The following CCDC13 variants were observed in gnomAD, a reference collection of about 807,000 sequenced individuals.
CCDC13 encodes the protein coiled-coil domain-containing protein 13.
CCDC13 carries 70 observed loss-of-function variants against 87.3 expected under a neutral mutation model. That is an observed-to-expected ratio of 0.80 (90% CI 0.66 to 0.98). CCDC13 has a LOEUF of 0.98. Ranked by LOEUF, CCDC13 falls within the 50% of genes least tolerant of loss-of-function variation. CCDC13 has a pLI of 0.00. For missense variants in CCDC13, 842 were observed against 892.0 expected (o/e 0.94, Z 0.71); for synonymous variants, 317 against 360.3 (o/e 0.88, Z 1.36).
intron 3 of CCDC13, among the ~76,000 whole-genome samples, chr3:42,756,699 T>C (rs1006837129): frequency 1.3e-5 from 2 of 152,050 alleles, no homozygotes; most frequent in African/African-American, 4.8e-5. Context: ...ACATAACATG[T>C]GAGCCAGTGC....
At chr3:42,751,911 T>C (rs775111187) in intron 5 of CCDC13, 25 bp downstream of exon 5, 1 of 1,605,668 alleles carries the variant, frequency 6.2e-7, no homozygotes, top group South Asian at 1.1e-5. Context: ...CTCACAGACT[T>C]CCCAGCACAG....
chr3:42,753,785 A>T (rs1280260274), intron 3 of CCDC13, among the ~76,000 whole-genome samples: 1 of 152,210 alleles, frequency 6.6e-6, no homozygotes, highest in Non-Finnish European at 1.5e-5. Flanking sequence ...GGAAATGGCA[A>T]GTACAGAGGT....
rs762144812 is a variant in CCDC13 at position 42,713,271 on chromosome 3, C to A, written c.1764G>T (p.Leu588=). 1 of 1,614,162 alleles carries A rather than the reference C, an allele frequency of 6.2e-7. No homozygotes were observed. The highest frequency in any genetic ancestry group is 1.1e-5 in the South Asian group (1 of 91,082). Reference sequence around the variant, plus strand: ...CCACGGTGCGGTGTCGCTCCTCCTGCAGCTTCCTCTCTGACTCCAGGAGCT... The same window carrying A: ...CCACGGTGCGGTGTCGCTCCTCCTGAAGCTTCCTCTCTGACTCCAGGAGCT... ...NSKLLESERK[L]QEERHRTVVL... The change falls in exon 14 of 16, where the codon CTG becomes CTT. Residue 588 remains leucine, a synonymous_variant. Transcript: ENST00000310232.
At chr3:42,749,494 T>A (rs1446833938) in intron 5 of CCDC13, among the ~76,000 whole-genome samples, 1 of 152,244 alleles carries the variant, frequency 6.6e-6, no homozygotes, top group Non-Finnish European at 1.5e-5. Context: ...GGACAACGCA[T>A]GTCAAGGGTG....
At chr3:42,757,790 A>G (rs1699737064) in intron 2 of CCDC13, among the ~76,000 whole-genome samples, 1 of 152,184 alleles carries the variant, frequency 6.6e-6, no homozygotes, top group Admixed American at 6.5e-5. Flanking sequence ...ATTTTCTCTA[A>G]TGGCAAGTGA....
At chr3:42,756,576 G>A (rs563454954) in intron 3 of CCDC13, among the ~76,000 whole-genome samples, 5 of 151,706 alleles carry the variant, frequency 3.3e-5, no homozygotes, top group Non-Finnish European at 7.4e-5. Flanking sequence ...GTTCATACCT[G>A]GCTCTACTGG....
At chr3:42,725,220 AAT>A (rs1698660962) in intron 13 of CCDC13, among the ~76,000 whole-genome samples, 1 of 152,188 alleles carries the variant, frequency 6.6e-6, no homozygotes, top group Non-Finnish European at 1.5e-5. Context: ...TATTGGTAAG[AAT>A]GTAAATTGAT....
At chr3:42,714,935 T>C (rs535982535) in intron 13 of CCDC13, among the ~76,000 whole-genome samples, 142 of 152,278 alleles carry the variant, frequency 9.3e-4, no homozygotes, top group South Asian at 3.9e-3. Flanking sequence ...TGATAGAATA[T>C]GATAGAGCTG....
At chr3:42,720,187 A>G (rs989697117) in intron 13 of CCDC13, among the ~76,000 whole-genome samples, 5 of 152,230 alleles carry the variant, frequency 3.3e-5, no homozygotes, top group African/African-American at 9.6e-5. Flanking sequence ...GGTTATAAAG[A>G]AAAGAGATTT....
At chr3:42,711,190 G>C (rs1229468718) in intron 14 of CCDC13, among the ~76,000 whole-genome samples, 2 of 147,574 alleles carry the variant, frequency 1.4e-5, no homozygotes, top group African/African-American at 5.0e-5. Context: ...AGGTTGCAGT[G>C]AGCTGAGATC....
intron 12 of CCDC13, 81 bp downstream of exon 12, chr3:42,732,805 TC>T (rs1698875825): frequency 1.6e-6 from 2 of 1,265,044 alleles, no homozygotes; most frequent in African/African-American, 3.0e-5. Context: ...CAGTTTCCCC[TC>T]CTTTTAATGG....
In CCDC13 at chr3:42,757,084, C is replaced by G. The variant is rs1699720008; in HGVS notation, c.352G>C (p.Asp118His). 3 of 1,613,952 alleles carry G rather than the reference C, an allele frequency of 1.9e-6. No individual in the cohort carries two copies. In the African/African-American group the frequency reaches 4.0e-5, roughly 22 times the overall value. The stretch of plus-strand genomic sequence containing the variant: ...GAGCTACCTGTGAAGGCAAATCTGT[C>G]CTCTTCTATTTTCTTTTTGAGGTGT... ...IKHLKKKIEE[D>H]RFAFTGTAGV... The change falls in exon 3 of 16, where the codon GAC (aspartate) becomes CAC (histidine). Residue 118 changes from aspartate (D) to histidine (H), a missense_variant. Coordinates refer to ENST00000310232, the MANE Select transcript of CCDC13 (RefSeq NM_144719.4).
At chr3:42,717,257 C>T (rs533895060) in intron 13 of CCDC13, among the ~76,000 whole-genome samples, 51 of 152,054 alleles carry the variant, frequency 3.4e-4, no homozygotes, top group African/African-American at 1.2e-3. Flanking sequence ...GAAACCCCAT[C>T]TCTACTAAAA....
intron 5 of CCDC13, among the ~76,000 whole-genome samples, chr3:42,747,908 G>A (rs1354076630): frequency 2.0e-5 from 3 of 152,198 alleles, no homozygotes; most frequent in Non-Finnish European, 4.4e-5. Context: ...TCCCAGAATC[G>A]TCAGCTTGGG....
At position 42,708,482 on chromosome 3, in the gene CCDC13, T is replaced by A; in HGVS notation, c.*498A>T. On this transcript the variant is annotated 3_prime_UTR_variant, in exon 16 of 16. Coordinates refer to ENST00000310232, the MANE Select transcript of CCDC13 (RefSeq NM_144719.4). ...GCTGACAAACTGGTTGAGAGCATAG[T>A]GCCCCAAGTCTGTGTAGGGTGTGGA... 1 of 152,714 alleles carries A rather than the reference T, an allele frequency of 6.5e-6. No homozygotes were observed. Among genetic ancestry groups the A allele is most frequent in the East Asian group, 1.9e-4 (1 of 5,194 alleles). The allele number at this position is 152,714 out of a possible 1,614,324, so 9.5% of individuals were successfully genotyped here. A position where few individuals can be genotyped will look rare whatever the true frequency, so the allele number is the denominator to read the frequency against.
chr3:42,728,805 A>C (rs1698751507), intron 13 of CCDC13, among the ~76,000 whole-genome samples: 1 of 152,192 alleles, frequency 6.6e-6, no homozygotes, highest in African/African-American at 2.4e-5. Context: ...AGGATGACAC[A>C]GAGTAGCAGG....
intron 3 of CCDC13, 93 bp from the exon 4 acceptor site, chr3:42,752,810 T>C: frequency 6.8e-7 from 1 of 1,479,428 alleles, no homozygotes; most frequent in Non-Finnish European, 9.2e-7. Context: ...TCTTAAAAGC[T>C]AAAGCTGCTT....
intron 8 of CCDC13, among the ~76,000 whole-genome samples, chr3:42,742,140 C>T (rs1057464551): frequency 1.3e-5 from 2 of 152,190 alleles, no homozygotes; most frequent in Non-Finnish European, 2.9e-5. Context: ...AACCTTGGGG[C>T]AGGTGTCTGA....
At position 42,745,931 on chromosome 3, in the gene CCDC13, G is replaced by A; in HGVS notation, c.817C>T (p.Gln273Ter). Residue 273 changes from glutamine to a stop codon, truncating the protein, a stop_gained, in exon 7 of 16, where the codon CAG becomes TAG. Coordinates refer to ENST00000310232, the MANE Select transcript of CCDC13 (RefSeq NM_144719.4). LOFTEE classifies it high-confidence loss of function. ...TCTGATGACTCACTCACCTTGCTCT[G>A]CAAAACAAGAATTTGTTGAGCCCGA... ...RGRAQQILVL[Q>*]SKVQELEKQL... The A allele has an allele frequency of 6.2e-7, 1 of 1,613,120 alleles. No individual in the cohort carries two copies.
Sources: gnomAD v4.1 joint callset for allele counts (sites outside exome capture counted in the v4.1 genomes callset) on GRCh38, gnomAD v4.1.1 for gene constraint, MANE v1.5 for transcripts, NCBI Gene and HGNC (gene_info 2026-07-23, HGNC 2026-07-21) for gene names.